Variants in CSMD1 observed in about 807,000 individuals in gnomAD.
CSMD1 encodes the protein CUB and sushi domain-containing protein 1.
Under a neutral mutation model 417.5 loss-of-function variants are expected in CSMD1, and 213 were observed. The observed-to-expected ratio is 0.51, with a 90% confidence interval of 0.46 to 0.57. The LOEUF is 0.57. CSMD1 is among the 20% of genes least tolerant of loss of function. The pLI is 0.00. For missense variants in CSMD1, 6,923 were observed against 4,529.7 expected, an observed-to-expected ratio of 1.53 and a Z score of -15.17; for synonymous variants, 2,862 against 1,736.8, an observed-to-expected ratio of 1.65 and a Z score of -16.11.
In CSMD1 at chr8:4,148,966, C is replaced by CTT. The variant is rs33925411; in HGVS notation, c.416-116869_416-116868dup. On this transcript the variant is annotated intron_variant, in intron 3 of 69. Coordinates refer to ENST00000635120, the MANE Select transcript of CSMD1 (RefSeq NM_033225.6). ...CCTGTAATTAAACATTTCATATTAA[C>CTT]TTTTTTTTTTTTTTGAGATGGAGTT... 6.9e-4 allele frequency among the ~76,000 whole-genome samples: 101 copies of CTT among 145,772 alleles called. 1 individual carries two copies. The highest frequency in any genetic ancestry group is 3.6e-3 in the Middle Eastern group (1 of 280).
chr8:3,149,730 C>G lies in CSMD1; in HGVS notation c.6031+1667G>C, dbSNP rs545469396. On this transcript the variant is annotated intron_variant, in intron 40 of 69. Transcript: ENST00000635120. The stretch of plus-strand genomic sequence containing the variant: ...TGACCTTGCGATCCACCGGCCTTCG[C>G]CTCCCAATAGCCAGAATTATTATAA... Among the ~76,000 whole-genome samples, 4 of 152,286 alleles carry G rather than the reference C, an allele frequency of 2.6e-5. No homozygotes were observed. In the East Asian group the frequency reaches 7.7e-4, roughly 29 times the overall value.
intron 3 of CSMD1, among the ~76,000 whole-genome samples, chr8:4,291,475 A>T (rs1037883311): frequency 1.3e-5 from 2 of 152,070 alleles, no homozygotes; most frequent in African/African-American, 4.8e-5. Flanking sequence ...TTTCTTTTTT[A>T]TCTACTAATT....
intron 25 of CSMD1, among the ~76,000 whole-genome samples, chr8:3,300,314 G>A (rs1563244581): frequency 6.6e-6 from 1 of 151,970 alleles, no homozygotes; most frequent in South Asian, 2.1e-4. Flanking sequence ...ACCTTTTCAA[G>A]TGTAGTTTTC....
intron 1 of CSMD1, among the ~76,000 whole-genome samples, chr8:4,804,924 T>C (rs998797044): frequency 6.6e-6 from 1 of 152,160 alleles, no homozygotes; most frequent in Non-Finnish European, 1.5e-5. Flanking sequence ...AGAAAACACT[T>C]AAAGCGGTTT....
At chr8:3,275,185 T>G (rs1027700413) in intron 26 of CSMD1, among the ~76,000 whole-genome samples, 1 of 152,336 alleles carries the variant, frequency 6.6e-6, no homozygotes, top group Non-Finnish European at 1.5e-5. Flanking sequence ...CCTTCACTTA[T>G]GAAGCTTAGT....
chr8:4,952,155 A>G (rs1046858115), intron 1 of CSMD1, among the ~76,000 whole-genome samples: 1 of 152,010 alleles, frequency 6.6e-6, no homozygotes, highest in African/African-American at 2.4e-5. Context: ...ATGTCTTAAA[A>G]TTATCACACA....
intron 3 of CSMD1, among the ~76,000 whole-genome samples, chr8:4,056,388 G>T (rs1342047353): frequency 2.0e-5 from 3 of 149,968 alleles, no homozygotes; most frequent in African/African-American, 7.5e-5. Context: ...CAGCCATATT[G>T]GTGAATTTCT....
intron 38 of CSMD1, 70 bp from the exon 39 acceptor site, chr8:3,158,036 A>T: frequency 8.3e-7 from 1 of 1,207,794 alleles, no homozygotes. Context: ...AATGTTTGAG[A>T]ATATCTGCAT....
At chr8:3,472,489 G>A (rs73497492) in intron 11 of CSMD1, among the ~76,000 whole-genome samples, 3,787 of 152,004 alleles carry the variant, frequency 0.025, 178 homozygotes, top group African/African-American at 0.086. Flanking sequence ...TCCCATCTCT[G>A]ACAAAACTCC....
chr8:3,077,591 C>G (rs1417475554), intron 49 of CSMD1, among the ~76,000 whole-genome samples: 1 of 152,186 alleles, frequency 6.6e-6, no homozygotes, highest in African/African-American at 2.4e-5. Context: ...GCTTATTTTT[C>G]CTGTCTCAGC....
At chr8:4,073,211 G>C (rs1438081037) in intron 3 of CSMD1, among the ~76,000 whole-genome samples, 1 of 151,998 alleles carries the variant, frequency 6.6e-6, no homozygotes, top group East Asian at 1.9e-4. Context: ...ACAATAACTT[G>C]TTTTTAAAAA....
chr8:4,084,756 C>G (rs1183269146), intron 3 of CSMD1, among the ~76,000 whole-genome samples: 3 of 151,586 alleles, frequency 2.0e-5, no homozygotes, highest in African/African-American at 7.3e-5. Context: ...CCCCCCTACC[C>G]AAAGCATGTG....
chr8:4,919,867 G>C (rs28594745), intron 1 of CSMD1, among the ~76,000 whole-genome samples: 2 of 152,070 alleles, frequency 1.3e-5, no homozygotes, highest in Admixed American at 6.6e-5. Flanking sequence ...TGAAGGGAGA[G>C]CATTCCTTCC....
intron 5 of CSMD1, among the ~76,000 whole-genome samples, chr8:3,840,636 C>A (rs1043628169): frequency 6.6e-6 from 1 of 151,290 alleles, no homozygotes; most frequent in Non-Finnish European, 1.5e-5. Context: ...TGTGTGTGCA[C>A]TTGCTAGTGT....
chr8:3,619,883 C>T (rs1327693715), intron 7 of CSMD1, among the ~76,000 whole-genome samples: 2 of 152,134 alleles, frequency 1.3e-5, no homozygotes, highest in Non-Finnish European at 2.9e-5. Context: ...GGGTGGATCA[C>T]TTGACGTCAG....
At chr8:3,772,128 G>A (rs1319676529) in intron 5 of CSMD1, among the ~76,000 whole-genome samples, 1 of 141,122 alleles carries the variant, frequency 7.1e-6, no homozygotes, top group African/African-American at 2.6e-5. Flanking sequence ...AACTGTAAAT[G>A]AACACCTCCT....
At chr8:3,792,594 C>A (rs556625670) in intron 5 of CSMD1, among the ~76,000 whole-genome samples, 1 of 152,294 alleles carries the variant, frequency 6.6e-6, no homozygotes, top group East Asian at 1.9e-4. Flanking sequence ...CACATACCTT[C>A]CTCTTCCTTT....
intron 1 of CSMD1, among the ~76,000 whole-genome samples, chr8:4,644,315 T>C (rs745858362): frequency 1.3e-5 from 2 of 152,192 alleles, no homozygotes; most frequent in Admixed American, 1.3e-4. Flanking sequence ...ATTTTTTCAT[T>C]GAGGCCTCAT....
chr8:3,513,264 TG>T (rs1411674826), intron 10 of CSMD1, among the ~76,000 whole-genome samples: 3 of 152,106 alleles, frequency 2.0e-5, no homozygotes, highest in African/African-American at 7.2e-5. Context: ...GAAATTATTT[TG>T]TTTTTTGTAA....
Sources: gnomAD v4.1 joint callset for allele counts (sites outside exome capture counted in the v4.1 genomes callset) on GRCh38, gnomAD v4.1.1 for gene constraint, MANE v1.5 for transcripts, NCBI Gene and HGNC (gene_info 2026-07-23, HGNC 2026-07-21) for gene names.